Variants in HSD17B12 observed in about 807,000 individuals in gnomAD.
HSD17B12 encodes the protein very-long-chain 3-oxoacyl-CoA reductase.
Under a neutral mutation model 39.3 loss-of-function variants are expected in HSD17B12, and 32 were observed. The ratio of observed to expected loss-of-function variants is 0.81; its 90% CI spans 0.61 to 1.09. HSD17B12 has a LOEUF of 1.09. Among genes scored for constraint, HSD17B12 ranks in the 50% least tolerant of loss-of-function variants. The pLI is 0.00. For synonymous variants in HSD17B12, 150 were observed against 146.7 expected, an observed-to-expected ratio of 1.02 and a Z score of -0.16; for missense variants, 342 against 382.9, an observed-to-expected ratio of 0.89 and a Z score of 0.89.
At chr11:43,682,508 C>T (rs1245879903) in intron 1 of HSD17B12, among the ~76,000 whole-genome samples, 1 of 147,348 alleles carries the variant, frequency 6.8e-6, no homozygotes, top group East Asian at 2.0e-4. Context: ...TGCCACTGCA[C>T]TCCATCCAGC....
chr11:43,822,295 T>G (rs912791762), intron 6 of HSD17B12, among the ~76,000 whole-genome samples: 2 of 152,188 alleles, frequency 1.3e-5, no homozygotes, highest in African/African-American at 4.8e-5. Context: ...GGGGGTTATA[T>G]AGTAATTTCT....
chr11:43,694,688 A>G (rs1179974422), intron 1 of HSD17B12, among the ~76,000 whole-genome samples: 5 of 152,088 alleles, frequency 3.3e-5, no homozygotes, highest in Non-Finnish European at 7.4e-5. Flanking sequence ...ACCCTGTCTC[A>G]AAAAAGAAAC....
chr11:43,791,697 T>G (rs111260477), intron 3 of HSD17B12, among the ~76,000 whole-genome samples: 2,552 of 152,318 alleles, frequency 0.017, 25 homozygotes, highest in Non-Finnish European at 0.025. Flanking sequence ...AGTCTACAAT[T>G]CCTGGACCAA....
chr11:43,678,879 G>C (rs1949715796), upstream of HSD17B12, among the ~76,000 whole-genome samples: 2 of 152,158 alleles, frequency 1.3e-5, no homozygotes, highest in South Asian at 4.1e-4. Context: ...GATGCCTCCA[G>C]CTTTGTTCTT....
chr11:43,573,714 C>G, the HSD17B12 span, among the ~76,000 whole-genome samples: 1 of 152,348 alleles, frequency 6.6e-6, no homozygotes, highest in East Asian at 1.9e-4. Flanking sequence ...GTGCCCTGCT[C>G]TGTATAGTTT....
At chr11:43,757,826 G>GT (rs1256822428) in intron 3 of HSD17B12, among the ~76,000 whole-genome samples, 1 of 152,032 alleles carries the variant, frequency 6.6e-6, no homozygotes, top group Non-Finnish European at 1.5e-5. Flanking sequence ...AGCATGGTGA[G>GT]TTTTGCGATT....
the HSD17B12 span, among the ~76,000 whole-genome samples, chr11:43,578,284 G>A: frequency 6.6e-6 from 1 of 152,158 alleles, no homozygotes; most frequent in Non-Finnish European, 1.5e-5. Flanking sequence ...AGGTCTCTCT[G>A]CTTCATTCAC....
At chr11:43,724,835 A>G (rs186915156) in intron 1 of HSD17B12, among the ~76,000 whole-genome samples, 2 of 152,326 alleles carry the variant, frequency 1.3e-5, no homozygotes, top group African/African-American at 2.4e-5. Flanking sequence ...AGTGACAAAT[A>G]TCACCAAAAC....
chr11:43,830,010 C>CA (rs1951292141), intron 6 of HSD17B12: 1 of 152,180 alleles, frequency 6.6e-6, no homozygotes, highest in Non-Finnish European at 1.5e-5. Flanking sequence ...ATTGGATGTT[C>CA]ACATAGCAGA....
the HSD17B12 span, among the ~76,000 whole-genome samples, chr11:43,597,453 A>T: frequency 6.6e-6 from 1 of 152,200 alleles, no homozygotes; most frequent in Non-Finnish European, 1.5e-5. Flanking sequence ...TGCTGAACGA[A>T]GGACTTTGGA....
chr11:43,619,493 G>A, the HSD17B12 span, among the ~76,000 whole-genome samples: 11 of 150,460 alleles, frequency 7.3e-5, no homozygotes, highest in East Asian at 1.2e-3. Context: ...AGGTTCAAGC[G>A]ATTCTCCTGC....
At chr11:43,813,158 C>T (rs1407243557) in intron 4 of HSD17B12, among the ~76,000 whole-genome samples, 1 of 152,086 alleles carries the variant, frequency 6.6e-6, no homozygotes, top group African/African-American at 2.4e-5. Flanking sequence ...ATTGTTAATA[C>T]AGTCATAACC....
At chr11:43,743,294 G>C (rs1565072026) in intron 1 of HSD17B12, among the ~76,000 whole-genome samples, 1 of 152,092 alleles carries the variant, frequency 6.6e-6, no homozygotes, top group Non-Finnish European at 1.5e-5. Context: ...TTCTCTAAAG[G>C]CTGGAAGAAT....
intron 3 of HSD17B12, among the ~76,000 whole-genome samples, chr11:43,790,667 C>T (rs1447154434): frequency 6.6e-6 from 1 of 152,178 alleles, no homozygotes; most frequent in African/African-American, 2.4e-5. Flanking sequence ...TTTCATCATG[C>T]TAATTAGAAT....
the HSD17B12 span, among the ~76,000 whole-genome samples, chr11:43,602,688 G>A: frequency 7.2e-5 from 11 of 152,102 alleles, no homozygotes; most frequent in Non-Finnish European, 1.0e-4. Flanking sequence ...GGCAATAGGC[G>A]AGGCCTGGAA....
At chr11:43,732,217 T>C (rs1950274190) in intron 1 of HSD17B12, among the ~76,000 whole-genome samples, 1 of 152,186 alleles carries the variant, frequency 6.6e-6, no homozygotes, top group East Asian at 1.9e-4. Context: ...GAAGGATGTG[T>C]TTGCGTCCCT....
intron 1 of HSD17B12, among the ~76,000 whole-genome samples, chr11:43,685,836 T>C (rs1414584716): frequency 6.6e-6 from 1 of 152,214 alleles, no homozygotes; most frequent in East Asian, 1.9e-4. Context: ...TTTAAATTTT[T>C]GTTTTATTTT....
intron 3 of HSD17B12, among the ~76,000 whole-genome samples, chr11:43,788,612 T>C (rs1590301076): frequency 6.6e-6 from 1 of 151,144 alleles, no homozygotes; most frequent in East Asian, 2.0e-4. Context: ...AGCTGCTTTG[T>C]TCTCTGCCTG....
At chr11:43,801,888 C>G (rs1950973016) in intron 4 of HSD17B12, among the ~76,000 whole-genome samples, 2 of 152,026 alleles carry the variant, frequency 1.3e-5, no homozygotes, top group South Asian at 2.1e-4. Flanking sequence ...GAACTCAGTA[C>G]TGTTCAATAG....
Sources: allele counts gnomAD v4.1 joint callset (sites outside exome capture counted in the v4.1 genomes callset), GRCh38; gene constraint gnomAD v4.1.1; transcripts MANE v1.5; gene names NCBI Gene and HGNC (gene_info 2026-07-23, HGNC 2026-07-21).